GALNT13: variants seen among roughly 807,000 people sequenced by gnomAD.
GALNT13 encodes polypeptide N-acetylgalactosaminyltransferase 13.
GALNT13 carries 28 observed loss-of-function variants against 64.2 expected under a neutral mutation model. That is an observed-to-expected ratio of 0.44 (90% CI 0.32 to 0.60). GALNT13 has a LOEUF of 0.60. GALNT13 is among the 20% of genes least tolerant of loss of function. The pLI, the probability that GALNT13 is intolerant of heterozygous loss-of-function variation, is 0.05. For synonymous variants in GALNT13, 214 were observed against 224.6 expected (o/e 0.95, Z 0.42); for missense variants, 577 against 669.8 (o/e 0.86, Z 1.53).
chr2:154,031,912 G>A (rs1400265300), intron 3 of GALNT13, among the ~76,000 whole-genome samples: 1 of 151,914 alleles, frequency 6.6e-6, no homozygotes, highest in East Asian at 1.9e-4. Context: ...AGCACGATCA[G>A]CCAATTTGAT....
chr2:153,855,476 A>G, the GALNT13 span, among the ~76,000 whole-genome samples: 5 of 152,220 alleles, frequency 3.3e-5, no homozygotes, highest in African/African-American at 1.2e-4. Context: ...CAATAAGCAC[A>G]TGGAAAAATG....
chr2:153,678,070 CA>C, the GALNT13 span, among the ~76,000 whole-genome samples: 26,288 of 133,440 alleles, frequency 0.2, 2,891 homozygotes, highest in Non-Finnish European at 0.27. Flanking sequence ...AGTGAAAAAA[CA>C]AAAAAACAAA....
chr2:153,553,734 C>G, the GALNT13 span, among the ~76,000 whole-genome samples: 3 of 152,090 alleles, frequency 2.0e-5, no homozygotes, highest in Non-Finnish European at 4.4e-5. Flanking sequence ...TTTCCAGGAA[C>G]GAGGGAACCA....
chr2:153,078,495 A>G, the GALNT13 span, among the ~76,000 whole-genome samples: 29 of 152,064 alleles, frequency 1.9e-4, no homozygotes, highest in African/African-American at 6.8e-4. Flanking sequence ...TATTTTTAGT[A>G]GAGAAGGAGT....
At chr2:154,032,380 C>T (rs1698392954) in intron 3 of GALNT13, among the ~76,000 whole-genome samples, 1 of 151,734 alleles carries the variant, frequency 6.6e-6, no homozygotes, top group African/African-American at 2.4e-5. Context: ...TAAATTCTAC[C>T]CAGTCACTTC....
the GALNT13 span, among the ~76,000 whole-genome samples, chr2:153,410,045 T>C: frequency 2.8e-4 from 43 of 152,314 alleles, no homozygotes; most frequent in Non-Finnish European, 2.4e-4. Flanking sequence ...ATTAGAATAC[T>C]AGGAAACAAA....
the GALNT13 span, among the ~76,000 whole-genome samples, chr2:153,124,502 T>TTGTG: frequency 6.6e-6 from 1 of 151,930 alleles, no homozygotes; most frequent in Non-Finnish European, 1.5e-5. Context: ...TCGCTTTGTT[T>TTGTG]TGTTTGTTTG....
chr2:153,449,288 T>G, the GALNT13 span, among the ~76,000 whole-genome samples: 1 of 151,900 alleles, frequency 6.6e-6, no homozygotes, highest in African/African-American at 2.4e-5. Context: ...AAGGTGGGGG[T>G]CAACAGTTTG....
upstream of GALNT13, among the ~76,000 whole-genome samples, chr2:153,870,512 C>T (rs1429197140): frequency 6.6e-6 from 1 of 151,880 alleles, no homozygotes; most frequent in East Asian, 1.9e-4. Context: ...AGTAGAGAGA[C>T]ATTCCAGAGT....
intron 3 of GALNT13, among the ~76,000 whole-genome samples, chr2:154,128,203 C>T (rs978588183): frequency 6.6e-6 from 1 of 151,928 alleles, no homozygotes; most frequent in East Asian, 1.9e-4. Context: ...TTTATAACAG[C>T]AATTAAGTTT....
the GALNT13 span, among the ~76,000 whole-genome samples, chr2:153,332,878 A>G: frequency 1.3e-5 from 2 of 152,312 alleles, no homozygotes; most frequent in African/African-American, 4.8e-5. Context: ...GGCTGAGACA[A>G]CCGTCAATGG....
chr2:153,842,457 A>G, the GALNT13 span, among the ~76,000 whole-genome samples: 2 of 152,136 alleles, frequency 1.3e-5, no homozygotes, highest in Non-Finnish European at 2.9e-5. Context: ...AAGTGTCATC[A>G]CCTAAGAGTA....
intron 3 of GALNT13, among the ~76,000 whole-genome samples, chr2:154,069,225 C>A (rs1165624938): frequency 1.3e-5 from 2 of 151,744 alleles, no homozygotes; most frequent in Non-Finnish European, 2.9e-5. Context: ...CAAGAAAGTT[C>A]TTCGGCTTGA....
the GALNT13 span, among the ~76,000 whole-genome samples, chr2:153,210,773 G>A: frequency 2.6e-5 from 4 of 151,996 alleles, no homozygotes; most frequent in African/African-American, 9.7e-5. Flanking sequence ...GCATAATTGT[G>A]GCCAAAATTT....
At chr2:154,371,866 C>T (rs369025137) in intron 9 of GALNT13, among the ~76,000 whole-genome samples, 1 of 151,970 alleles carries the variant, frequency 6.6e-6, no homozygotes. Context: ...AAATACTCAC[C>T]TATCCTTTAT....
At chr2:154,177,110 T>C (rs1464445082) in intron 4 of GALNT13, among the ~76,000 whole-genome samples, 1 of 152,114 alleles carries the variant, frequency 6.6e-6, no homozygotes, top group Non-Finnish European at 1.5e-5. Flanking sequence ...ATATTTAAAC[T>C]TAGAAAGATT....
At chr2:153,536,070 C>T in the GALNT13 span, among the ~76,000 whole-genome samples, 2 of 152,134 alleles carry the variant, frequency 1.3e-5, no homozygotes, top group Admixed American at 6.6e-5. Context: ...AAAGTCTGCC[C>T]TTAGGAGAAA....
At chr2:153,295,546 G>T in the GALNT13 span, among the ~76,000 whole-genome samples, 25 of 127,602 alleles carry the variant, frequency 2.0e-4, no homozygotes, top group Non-Finnish European at 3.5e-4. Flanking sequence ...AAAAAAAAAA[G>T]AATCCTGTGC....
the GALNT13 span, among the ~76,000 whole-genome samples, chr2:153,248,272 T>C: frequency 8.5e-5 from 13 of 152,262 alleles, no homozygotes; most frequent in African/African-American, 3.1e-4. Context: ...AAGAAAATTT[T>C]AGGCCAACAT....
Sources: gnomAD v4.1 joint callset for allele counts (sites outside exome capture counted in the v4.1 genomes callset) on GRCh38, gnomAD v4.1.1 for gene constraint, MANE v1.5 for transcripts, NCBI Gene and HGNC (gene_info 2026-07-23, HGNC 2026-07-21) for gene names.